The following CCDC60 variants were observed in gnomAD, a reference collection of about 807,000 sequenced individuals.
CCDC60 encodes coiled-coil domain-containing protein 60.
CCDC60 carries 54 observed loss-of-function variants against 63.5 expected under a neutral mutation model. That is an observed-to-expected ratio of 0.85 (90% CI 0.68 to 1.07). The LOEUF is 1.07. CCDC60 is among the 50% of genes least tolerant of loss of function. CCDC60 has a pLI of 0.00. For missense variants in CCDC60, 651 were observed against 684.3 expected (o/e 0.95, Z 0.54); for synonymous variants, 206 against 238.8 (o/e 0.86, Z 1.27).
At position 119,531,013 on chromosome 12, in the gene CCDC60, G is replaced by C; in HGVS notation, c.1501G>C (p.Asp501His). The change falls in exon 13 of 14, where the codon GAT (aspartate) becomes CAT (histidine). Residue 501 changes from aspartate (D) to histidine (H), a missense_variant. Transcript: ENST00000327554. ...CCATGTCCTCCTGAAGGTGCTGCAG[G>C]ATCTGAGGATTTGGGAACTGTGCTC... The part of the protein sequence containing the change: ...RPHVLLKVLQ[D>H]LRIWELCSPD... The C allele has an allele frequency of 6.2e-7, 1 of 1,614,130 alleles. No homozygotes were observed. Among genetic ancestry groups the C allele is most frequent in the Non-Finnish European group, 8.5e-7 (1 of 1,180,002 alleles).
At chr12:119,335,295 A>G (rs766951884) in intron 1 of CCDC60, 29 bp downstream of exon 1, 6 of 1,508,216 alleles carry the variant, frequency 4.0e-6, no homozygotes, top group Non-Finnish European at 5.4e-6. Flanking sequence ...GAAACCAATC[A>G]TGTTTTCGAG....
chr12:119,474,586 T>A (rs974374853), intron 3 of CCDC60, among the ~76,000 whole-genome samples: 1 of 152,184 alleles, frequency 6.6e-6, no homozygotes, highest in African/African-American at 2.4e-5. Context: ...GAGTCCCCTT[T>A]TGGGAGTGAT....
chr12:119,430,534 G>A (rs919974239), intron 2 of CCDC60, among the ~76,000 whole-genome samples: 1 of 152,012 alleles, frequency 6.6e-6, no homozygotes, highest in Non-Finnish European at 1.5e-5. Context: ...GGGCATGGTG[G>A]TGGGCGCCTG....
intron 1 of CCDC60, among the ~76,000 whole-genome samples, chr12:119,377,226 G>A (rs865940657): frequency 2.4e-5 from 3 of 123,408 alleles, no homozygotes; most frequent in African/African-American, 9.2e-5. Flanking sequence ...CTGCACTCCT[G>A]TCTGGGCGAC....
At chr12:119,521,370 G>T (rs1338970146) in intron 9 of CCDC60, among the ~76,000 whole-genome samples, 1 of 152,178 alleles carries the variant, frequency 6.6e-6, no homozygotes, top group Non-Finnish European at 1.5e-5. Context: ...GGAGAGTCAA[G>T]CATTTCTCAG....
At chr12:119,482,125 T>TATATACACACATATATACAC (rs1951341268) in intron 4 of CCDC60, among the ~76,000 whole-genome samples, 1 of 146,484 alleles carries the variant, frequency 6.8e-6, no homozygotes, top group Non-Finnish European at 1.5e-5. Context: ...TATATATACA[T>TATATACACACATATATACAC]ATATATACAC....
At chr12:119,421,857 C>T (rs1956818667) in intron 1 of CCDC60, among the ~76,000 whole-genome samples, 1 of 152,202 alleles carries the variant, frequency 6.6e-6, no homozygotes, top group Admixed American at 6.5e-5. Flanking sequence ...TTAAACCACA[C>T]CACTTCCCGA....
chr12:119,385,266 G>A (rs1956048803), intron 1 of CCDC60, among the ~76,000 whole-genome samples: 1 of 152,160 alleles, frequency 6.6e-6, no homozygotes, highest in African/African-American at 2.4e-5. Context: ...CCAGCCTCCA[G>A]TTGGATTCAG....
intron 1 of CCDC60, among the ~76,000 whole-genome samples, chr12:119,425,335 AT>A: frequency 6.6e-6 from 1 of 152,268 alleles, no homozygotes; most frequent in African/African-American, 2.4e-5. Context: ...GGCCAATCTC[AT>A]TGCTTTCACT....
intron 1 of CCDC60, among the ~76,000 whole-genome samples, chr12:119,371,870 G>T (rs1955901013): frequency 6.6e-6 from 1 of 152,166 alleles, no homozygotes; most frequent in African/African-American, 2.4e-5. Flanking sequence ...AGGGGCTTGT[G>T]CTGAGTCTCT....
intron 4 of CCDC60, among the ~76,000 whole-genome samples, chr12:119,484,103 T>C (rs1461373150): frequency 1.3e-5 from 2 of 152,124 alleles, no homozygotes; most frequent in Non-Finnish European, 2.9e-5. Context: ...ACATTTTCAT[T>C]AAGAGCACGA....
Position 119,428,705 on chromosome 12 carries a change from G to C in CCDC60, c.113G>C (p.Ser38Thr), listed in dbSNP as rs778650866. The C allele has an allele frequency of 1.2e-6, 2 of 1,606,526 alleles. No individual in the cohort carries two copies. The highest frequency in any genetic ancestry group is 8.5e-7 in the Non-Finnish European group (1 of 1,175,224). Residue 38 changes from serine to threonine, a missense_variant, in exon 2 of 14, where the codon AGC (serine) becomes ACC (threonine). Ser to Thr is a moderately conservative substitution (Grantham distance 58). Transcript: ENST00000327554. Reference sequence around the variant, plus strand: ...CAGGTCCCAGACAAGCCAATGAAGAGCATCAAGTATATGGACAAGGAAATA... The same window carrying C: ...CAGGTCCCAGACAAGCCAATGAAGACCATCAAGTATATGGACAAGGAAATA... ...LRQVPDKPMK[S>T]IKYMDKEIIN... is the part of the protein sequence containing the mutation.
intron 2 of CCDC60, among the ~76,000 whole-genome samples, chr12:119,470,203 C>T (rs1951029713): frequency 6.6e-6 from 1 of 152,238 alleles, no homozygotes. Flanking sequence ...TCCTACTTAG[C>T]CTAAATACTA....
At chr12:119,347,059 G>A (rs900311235) in intron 1 of CCDC60, among the ~76,000 whole-genome samples, 1 of 151,856 alleles carries the variant, frequency 6.6e-6, no homozygotes, top group Non-Finnish European at 1.5e-5. Context: ...TCCTGACCTC[G>A]TGATCCACCC....
chr12:119,337,186 T>C (rs998431207), intron 1 of CCDC60, among the ~76,000 whole-genome samples: 4 of 152,206 alleles, frequency 2.6e-5, no homozygotes, highest in Non-Finnish European at 4.4e-5. Context: ...AGATACAGCC[T>C]TTTTCCATCT....
At chr12:119,483,911 A>ATT (rs1193168716) in intron 4 of CCDC60, among the ~76,000 whole-genome samples, 4 of 150,730 alleles carry the variant, frequency 2.7e-5, no homozygotes, top group South Asian at 2.1e-4. Flanking sequence ...GAAAAGACCG[A>ATT]TTTCTATCAA....
intron 2 of CCDC60, chr12:119,433,337 G>A: frequency 1.4e-6 from 1 of 693,442 alleles, no homozygotes; most frequent in Non-Finnish European, 2.6e-6. Flanking sequence ...CCCAACAGAC[G>A]CATTAAATGT....
chr12:119,424,022 A>C (rs1956859126), intron 1 of CCDC60, among the ~76,000 whole-genome samples: 1 of 152,236 alleles, frequency 6.6e-6, no homozygotes, highest in African/African-American at 2.4e-5. Flanking sequence ...TTGTAGAAAA[A>C]TTAGGAAAAA....
chr12:119,356,649 G>A (rs1377800997), intron 1 of CCDC60, among the ~76,000 whole-genome samples: 4 of 152,006 alleles, frequency 2.6e-5, no homozygotes, highest in African/African-American at 9.7e-5. Flanking sequence ...TTGGCTCTTG[G>A]TCCATTTTTC....
Sources: allele counts gnomAD v4.1 joint callset (sites outside exome capture counted in the v4.1 genomes callset), GRCh38; gene constraint gnomAD v4.1.1; transcripts MANE v1.5; gene names NCBI Gene and HGNC (gene_info 2026-07-23, HGNC 2026-07-21).